BSN: variants seen among roughly 807,000 people sequenced by gnomAD.
BSN encodes the protein bassoon presynaptic cytomatrix protein.
Under a neutral mutation model 264.8 loss-of-function variants are expected in BSN, and 57 were observed. That is an observed-to-expected ratio of 0.22 (90% CI 0.17 to 0.27). The LOEUF (loss-of-function observed/expected upper bound fraction) is 0.27, where lower values mean the gene tolerates loss of function less well. Among genes scored for constraint, BSN ranks in the 10% least tolerant of loss-of-function variants. The pLI is 1.00. For synonymous variants in BSN, 2,059 were observed against 2,137.3 expected (o/e 0.96, Z 1.01); for missense variants, 4,615 against 5,232.5 (o/e 0.88, Z 3.64).
chr3:49,673,087 CTTTTTTTTTTT>C (rs71080543), downstream of BSN, among the ~76,000 whole-genome samples: 547 of 43,226 alleles, frequency 0.013, 22 homozygotes, highest in African/African-American at 0.039. Flanking sequence ...CCGGCCGGGA[CTTTTTTTTTTT>C]TTTTTTTTTT....
Position 49,663,058 on chromosome 3 carries a change from G to C in BSN, c.10900G>C (p.Gly3634Arg), listed in dbSNP as rs763269761. 8 of 1,613,198 alleles carry C rather than the reference G, an allele frequency of 5.0e-6. No homozygotes were observed. The highest frequency in any genetic ancestry group is 5.1e-6 in the Non-Finnish European group (6 of 1,179,964). ...GGAGGGCCTGTGGCCTCATGATGAG[G>C]GTGGCCCAGGCCGCCATGCCTCAGC... Reference protein sequence around the residue: ...PEEGLWPHDEGGPGRHASAKE... With the variant: ...PEEGLWPHDERGPGRHASAKE... The change falls in exon 7 of 12, where the codon GGT (glycine) becomes CGT (arginine). Residue 3634 changes from glycine (G) to arginine (R), a missense_variant. This residue lies in a region of BSN where 3,415 missense variants were observed against 3,866.4 expected (regional missense o/e 0.88). Transcript: ENST00000296452.
intron 1 of BSN, among the ~76,000 whole-genome samples, chr3:49,579,605 T>G (rs1454545823): frequency 6.6e-6 from 1 of 151,672 alleles, no homozygotes; most frequent in Non-Finnish European, 1.5e-5. Context: ...GTATTTTTAG[T>G]AGAGACAGGG....
intron 1 of BSN, among the ~76,000 whole-genome samples, chr3:49,615,008 T>C (rs940466457): frequency 1.3e-5 from 2 of 152,168 alleles, no homozygotes; most frequent in African/African-American, 2.4e-5. Context: ...AGCCTATGTT[T>C]AATGGCAGCA....
At chr3:49,588,986 C>T (rs2051956176) in intron 1 of BSN, among the ~76,000 whole-genome samples, 1 of 151,056 alleles carries the variant, frequency 6.6e-6, no homozygotes, top group Non-Finnish European at 1.5e-5. Flanking sequence ...GCGATCTCCA[C>T]GCACTGCAAG....
At chr3:49,644,573 G>T (rs2052491868) in intron 3 of BSN, among the ~76,000 whole-genome samples, 1 of 152,166 alleles carries the variant, frequency 6.6e-6, no homozygotes, top group Non-Finnish European at 1.5e-5. Context: ...GCTCACTGGC[G>T]ACAGTTTGCC....
intron 2 of BSN, among the ~76,000 whole-genome samples, chr3:49,636,529 G>C (rs2052421203): frequency 2.6e-5 from 4 of 152,188 alleles, no homozygotes; most frequent in Admixed American, 1.3e-4. Flanking sequence ...CAGAGAGACA[G>C]ATGTGTCCAG....
Position 49,625,422 on chromosome 3 carries a change from C to T in BSN, c.633+39C>T. 7.0e-7 allele frequency: 1 copy of T among 1,427,622 alleles called. No individual in the cohort carries two copies. The allele number at this position is 1,427,622 out of a possible 1,614,324, so 88.4% of individuals were successfully genotyped here. ...CGCCGGCTCCCCACTCACCTGCTAC[C>T]TCATTACCATACCTCCCCTGGTTCC... On this transcript the variant is annotated intron_variant, in intron 2 of 11. Coordinates refer to ENST00000296452, the MANE Select transcript of BSN (RefSeq NM_003458.4). The surrounding 1 kb of genome is among the most constrained non-coding windows in gnomAD (Gnocchi z 4.4).
At chr3:49,658,747 C>T (rs905100495) in intron 5 of BSN, among the ~76,000 whole-genome samples, 3 of 152,204 alleles carry the variant, frequency 2.0e-5, no homozygotes, top group African/African-American at 7.2e-5. Context: ...CTGCCCCTAC[C>T]TGGCCCTCGG....
At chr3:49,572,595 G>C (rs1424043188) in intron 1 of BSN, among the ~76,000 whole-genome samples, 3 of 152,130 alleles carry the variant, frequency 2.0e-5, no homozygotes, top group African/African-American at 7.2e-5. Context: ...GTGCAGTGGC[G>C]CGATCTCGGC....
chr3:49,612,889 T>C (rs558045355), intron 1 of BSN, among the ~76,000 whole-genome samples: 2 of 152,296 alleles, frequency 1.3e-5, no homozygotes, highest in Admixed American at 1.3e-4. Flanking sequence ...TCCCAGCACT[T>C]TGGGAGGCCA....
In BSN at chr3:49,654,687, G is replaced by A. The variant is rs144131586; in HGVS notation, c.5131G>A (p.Val1711Met). The change falls in exon 5 of 12, where the codon GTG becomes ATG. Residue 1711 changes from valine to methionine, a missense_variant. This residue lies in a region of BSN where 3,415 missense variants were observed against 3,866.4 expected (regional missense o/e 0.88). Coordinates refer to ENST00000296452, the MANE Select transcript of BSN (RefSeq NM_003458.4). The surrounding 1 kb of genome is among the most constrained non-coding windows in gnomAD (Gnocchi z 4.1). ...DPIPGRQSTA[V>M]QPLVINLNAQ... ...AATCCCAGGACGGCAGTCGACCGCC[G>A]TGCAGCCCTTGGTTATCAACCTCAA... 7.8e-4 allele frequency: 1,256 copies of A among 1,613,540 alleles called. 1 individual carries two copies. Among genetic ancestry groups the A allele is most frequent in the Non-Finnish European group, 9.8e-4 (1,152 of 1,180,016 alleles).
rs554695558 is a variant in BSN, at chr3:49,668,783, C to T, written c.*1298C>T. ...CTGGGCAGCATTCCTCCCCAGGGCT[C>T]TTCCCTTGGGGGCCTCCTTTCATCT... On this transcript the variant is annotated 3_prime_UTR_variant, in exon 12 of 12. Coordinates refer to ENST00000296452, the MANE Select transcript of BSN (RefSeq NM_003458.4). 6.5e-6 allele frequency: 1 copy of T among 152,786 alleles called. No individual in the cohort carries two copies. The highest frequency in any genetic ancestry group is 1.9e-4 in the East Asian group (1 of 5,190). 9.5% of individuals were successfully genotyped at this position (152,786 alleles called of 1,614,324 possible). A position where few individuals can be genotyped will look rare whatever the true frequency, so the allele number is the denominator to read the frequency against.
Position 49,663,114 on chromosome 3 carries a change from G to T in BSN, c.10956G>T (p.Arg3652=). 6.2e-7 allele frequency: 1 copy of T among 1,611,494 alleles called. No homozygotes were observed. Among genetic ancestry groups the T allele is most frequent in the South Asian group, 1.1e-5 (1 of 91,016 alleles). The change falls in exon 7 of 12, where the codon CGG becomes CGT. Residue 3652 remains arginine (R), a synonymous_variant. Transcript: ENST00000296452. ...AKEHRHGDHG[R]HSGRHTGEEP... is the part of the protein sequence containing the mutation. ...AACACCGGCACGGTGACCACGGGCG[G>T]CACTCAGGCCGCCACACTGGTGAGG...
chr3:49,647,484 C>A (rs13316695), intron 3 of BSN, among the ~76,000 whole-genome samples: 8 of 151,992 alleles, frequency 5.3e-5, no homozygotes, highest in Non-Finnish European at 2.9e-5. Flanking sequence ...ATCCCCTGCC[C>A]TTTTGTCAAA....
At chr3:49,571,786 G>A (rs768066289) in intron 1 of BSN, among the ~76,000 whole-genome samples, 3 of 152,150 alleles carry the variant, frequency 2.0e-5, no homozygotes, top group Non-Finnish European at 4.4e-5. Flanking sequence ...CACCATGTAA[G>A]TGATTCTGGT....
At chr3:49,583,864 G>T (rs148875896) in intron 1 of BSN, among the ~76,000 whole-genome samples, 1 of 151,528 alleles carries the variant, frequency 6.6e-6, no homozygotes, top group African/African-American at 2.4e-5. Flanking sequence ...CTTGCAATCC[G>T]ATTTATTTAT....
chr3:49,662,762 T>A (rs2052672383), intron 6 of BSN, 114 bp from the exon 7 acceptor site: 1 of 1,420,724 alleles, frequency 7.0e-7, no homozygotes, highest in African/African-American at 1.4e-5. Flanking sequence ...GGGGGCCTGC[T>A]GATCTGCTTG....
chr3:49,619,952 G>A (rs1235166899), intron 1 of BSN, among the ~76,000 whole-genome samples: 1 of 149,568 alleles, frequency 6.7e-6, no homozygotes, highest in African/African-American at 2.5e-5. Context: ...CAGCTGTGAG[G>A]AAAGCACACG....
In BSN at chr3:49,623,618, C is replaced by T. The variant is rs1171448878; in HGVS notation, c.225-1357C>T. On this transcript the variant is annotated intron_variant, in intron 1 of 11. Transcript: ENST00000296452. The stretch of plus-strand genomic sequence containing the variant: ...TCCTCAAGGCTGGATCCTGGAACTC[C>T]AGCCCCACCCAGCTTCACACTAGTG... Among the ~76,000 whole-genome samples the T allele has an allele frequency of 3.3e-5, 5 of 152,200 alleles. No homozygotes were observed. In the East Asian group the frequency reaches 9.6e-4, roughly 29 times the overall value.
Sources: allele counts gnomAD v4.1 joint callset (sites outside exome capture counted in the v4.1 genomes callset), GRCh38; gene constraint gnomAD v4.1.1; regional missense constraint gnomAD v4.1.1; non-coding constraint Gnocchi (gnomAD v3.1); transcripts MANE v1.5; gene names NCBI Gene and HGNC (gene_info 2026-07-23, HGNC 2026-07-21).